Variants in MYH15 observed in about 807,000 individuals in gnomAD.
MYH15 encodes the protein myosin-15.
In MYH15, 227 loss-of-function variants were observed where a neutral mutation model predicts 240.5. The ratio of observed to expected loss-of-function variants is 0.94; its 90% CI spans 0.85 to 1.05. The LOEUF (loss-of-function observed/expected upper bound fraction) is 1.05, where lower values mean the gene tolerates loss of function less well. Among genes scored for constraint, MYH15 ranks in the 50% least tolerant of loss-of-function variants. The probability of loss-of-function intolerance (pLI) is 0.00; values close to 1 mark genes in which losing one functional copy is unlikely to be tolerated. For missense variants in MYH15, 2,217 were observed against 2,247.5 expected (o/e 0.99, Z 0.27); for synonymous variants, 785 against 796.7 (o/e 0.99, Z 0.25).
chr3:108,488,061 C>A (rs1205028144), intron 9 of MYH15, among the ~76,000 whole-genome samples: 1 of 151,708 alleles, frequency 6.6e-6, no homozygotes, highest in Admixed American at 6.6e-5. Flanking sequence ...TCTGTCATTT[C>A]ACATACTTTT....
intron 1 of MYH15, among the ~76,000 whole-genome samples, chr3:108,509,993 A>T (rs746360038): frequency 5.9e-5 from 9 of 152,148 alleles, no homozygotes; most frequent in Non-Finnish European, 1.0e-4. Context: ...AGCCAGAGAC[A>T]ACTTCAAAGT....
Position 108,470,816 on chromosome 3 carries a change from G to A in MYH15, c.1265C>T (p.Ser422Leu). 1 of 1,613,688 alleles carries A rather than the reference G, an allele frequency of 6.2e-7. No individual in the cohort carries two copies. The highest frequency in any genetic ancestry group is 8.5e-7 in the Non-Finnish European group (1 of 1,179,804). Residue 422 changes from serine to leucine, a missense_variant, in exon 13 of 41, where the codon TCA (serine) becomes TTA (leucine). Physicochemically the swap from Ser to Leu is moderately radical, Grantham distance 145. Transcript: ENST00000693548. ...CCACTTAAACATCCTTTCATACATT[G>A]ACTTGGACAGGGCACCGACAGCACA... ...VTCAVGALSK[S>L]MYERMFKWLV...
chr3:108,410,528 G>A (rs1037010743), intron 31 of MYH15, 55 bp downstream of exon 31: 13 of 1,304,928 alleles, frequency 1.0e-5, no homozygotes, highest in Admixed American at 2.3e-5. Flanking sequence ...CCTGTAGCCA[G>A]GGCTCTTCCT....
At chr3:108,479,879 G>A (rs1462381124) in intron 11 of MYH15, among the ~76,000 whole-genome samples, 1 of 152,200 alleles carries the variant, frequency 6.6e-6, no homozygotes, top group Non-Finnish European at 1.5e-5. Flanking sequence ...TCAGTCTACA[G>A]GGGTTATGAT....
chr3:108,517,944 T>C (rs1240973600), intron 1 of MYH15, among the ~76,000 whole-genome samples: 1 of 152,168 alleles, frequency 6.6e-6, no homozygotes, highest in African/African-American at 2.4e-5. Context: ...TAGAGCAATG[T>C]ACAGGGCCAT....
At chr3:108,391,703 G>T in intron 37 of MYH15, 57 bp downstream of exon 37, 1 of 1,546,652 alleles carries the variant, frequency 6.5e-7, no homozygotes, top group Non-Finnish European at 8.8e-7. Context: ...CACATTCCAG[G>T]ACAAAGAGGT....
intron 27 of MYH15, among the ~76,000 whole-genome samples, chr3:108,424,625 C>T (rs2082712109): frequency 6.6e-6 from 1 of 152,214 alleles, no homozygotes; most frequent in African/African-American, 2.4e-5. Flanking sequence ...TTTCCTATAA[C>T]TTCTAAATTG....
the MYH15 span, among the ~76,000 whole-genome samples, chr3:108,536,301 G>A: frequency 8.6e-5 from 13 of 151,340 alleles, no homozygotes; most frequent in African/African-American, 2.5e-4. Context: ...ACAATTGCAT[G>A]TTTAAGACAG....
upstream of MYH15, among the ~76,000 whole-genome samples, chr3:108,512,736 A>G (rs933688704): frequency 2.6e-5 from 4 of 152,192 alleles, no homozygotes; most frequent in African/African-American, 9.6e-5. Flanking sequence ...ATCAGAGATG[A>G]AAAGATCACA....
chr3:108,467,471 T>C (rs2083129988), intron 14 of MYH15, among the ~76,000 whole-genome samples: 1 of 152,152 alleles, frequency 6.6e-6, no homozygotes, highest in Non-Finnish European at 1.5e-5. Context: ...TGTTGTCTGA[T>C]GGTATATCAT....
chr3:108,384,577 C>G (rs1296979714), intron 39 of MYH15, 110 bp downstream of exon 39: 3 of 937,008 alleles, frequency 3.2e-6, no homozygotes, highest in African/African-American at 3.3e-5. Context: ...AGACTCTAAG[C>G]TGAGCAGGTC....
chr3:108,547,833 C>T, the MYH15 span, among the ~76,000 whole-genome samples: 3 of 152,112 alleles, frequency 2.0e-5, no homozygotes, highest in African/African-American at 7.2e-5. Flanking sequence ...ATCAACAATA[C>T]TAAAAGTAGC....
At chr3:108,434,451 G>A (rs1222878952) in intron 25 of MYH15, among the ~76,000 whole-genome samples, 1 of 151,404 alleles carries the variant, frequency 6.6e-6, no homozygotes, top group Non-Finnish European at 1.5e-5. Flanking sequence ...CACAGTGCTG[G>A]GATTACAGGC....
chr3:108,433,476 T>G (rs2082798159), intron 25 of MYH15, among the ~76,000 whole-genome samples: 1 of 152,028 alleles, frequency 6.6e-6, no homozygotes, highest in East Asian at 1.9e-4. Context: ...TTTTGAAATG[T>G]GAGGACATGA....
chr3:108,430,528 G>C lies in MYH15; in HGVS notation c.3312+304C>G, dbSNP rs965140115. Reference sequence around the variant, plus strand: ...AATATATTGTTGCATTTAGTAATATGAGCTCAATCGTTGCCAGAAGGATTC... The same window carrying C: ...AATATATTGTTGCATTTAGTAATATCAGCTCAATCGTTGCCAGAAGGATTC... On this transcript the variant is annotated intron_variant, in intron 26 of 40. Coordinates refer to ENST00000693548, the MANE Select transcript of MYH15 (RefSeq NM_014981.3). 3.9e-5 allele frequency among the ~76,000 whole-genome samples: 6 copies of C among 152,266 alleles called. No homozygotes were observed. The East Asian group carries it at 1.2e-3, about 29-fold the overall frequency.
chr3:108,481,644 T>C (rs904305542), intron 11 of MYH15, among the ~76,000 whole-genome samples: 13 of 151,370 alleles, frequency 8.6e-5, no homozygotes, highest in Non-Finnish European at 1.9e-4. Context: ...GCAATAGGAG[T>C]GCTTACATGC....
At chr3:108,451,514 C>T (rs78567228) in intron 21 of MYH15, among the ~76,000 whole-genome samples, 2,320 of 152,114 alleles carry the variant, frequency 0.015, 56 homozygotes, top group African/African-American at 0.049. Context: ...AGACATGTAA[C>T]CAATAAATAA....
chr3:108,503,122 G>A (rs1013004559), intron 2 of MYH15, among the ~76,000 whole-genome samples: 1 of 151,228 alleles, frequency 6.6e-6, no homozygotes, highest in African/African-American at 2.4e-5. Flanking sequence ...AGTGAAGCTG[G>A]GGGAATGGGA....
At chr3:108,426,636 G>A (rs1226047666) in intron 27 of MYH15, among the ~76,000 whole-genome samples, 1 of 152,214 alleles carries the variant, frequency 6.6e-6, no homozygotes, top group African/African-American at 2.4e-5. Context: ...GAGCCTTGGG[G>A]TTCAGGCAGA....
Sources: gnomAD v4.1 joint callset for allele counts (sites outside exome capture counted in the v4.1 genomes callset) on GRCh38, gnomAD v4.1.1 for gene constraint, MANE v1.5 for transcripts, NCBI Gene and HGNC (gene_info 2026-07-23, HGNC 2026-07-21) for gene names.